MDGA2: variants seen among roughly 807,000 people sequenced by gnomAD.
MDGA2 encodes the protein MAM domain-containing glycosylphosphatidylinositol anchor protein 2.
In MDGA2, 40 loss-of-function variants were observed where a neutral mutation model predicts 117.8. That is an observed-to-expected ratio of 0.34 (90% confidence interval 0.26 to 0.44). The LOEUF is 0.44. Ranked by LOEUF, MDGA2 falls within the 20% of genes least tolerant of loss-of-function variation. The pLI is 1.00. For synonymous variants in MDGA2, 452 were observed against 439.0 expected, an observed-to-expected ratio of 1.03 and a Z score of -0.37; for missense variants, 1,123 against 1,250.6, an observed-to-expected ratio of 0.90 and a Z score of 1.54.
intron 3 of MDGA2, 43 bp downstream of exon 3, chr14:47,217,978 T>A: frequency 1.4e-6 from 2 of 1,400,370 alleles, no homozygotes; most frequent in Non-Finnish European, 1.9e-6. Flanking sequence ...ACAAAAGAAA[T>A]CCATAATAGG....
At chr14:47,598,435 C>T (rs540527096) in intron 1 of MDGA2, among the ~76,000 whole-genome samples, 40 of 152,170 alleles carry the variant, frequency 2.6e-4, no homozygotes, top group Non-Finnish European at 5.1e-4. Context: ...AGTATCCATC[C>T]ACAGATAAAT....
chr14:47,609,440 T>TAC, intron 1 of MDGA2, among the ~76,000 whole-genome samples: 2 of 88,198 alleles, frequency 2.3e-5, no homozygotes, highest in Non-Finnish European at 4.5e-5. Flanking sequence ...TATATATATA[T>TAC]ATATATATAT....
At chr14:46,931,761 G>C (rs1362698207) in intron 9 of MDGA2, among the ~76,000 whole-genome samples, 1 of 152,052 alleles carries the variant, frequency 6.6e-6, no homozygotes, top group East Asian at 1.9e-4. Flanking sequence ...GACCTCAGGT[G>C]ATCCACCAGC....
intron 8 of MDGA2, among the ~76,000 whole-genome samples, chr14:46,981,115 G>T (rs1381636181): frequency 2.0e-5 from 3 of 151,838 alleles, no homozygotes; most frequent in African/African-American, 7.3e-5. Context: ...GACTTTTTAA[G>T]AGTCTGGGCC....
chr14:47,226,004 C>T (rs1462516929), intron 2 of MDGA2, among the ~76,000 whole-genome samples: 4 of 151,590 alleles, frequency 2.6e-5, no homozygotes, highest in Non-Finnish European at 5.9e-5. Context: ...AAAAAGGGAG[C>T]CTGGCCGGGA....
At chr14:47,089,167 T>G (rs1891017323) in intron 6 of MDGA2, among the ~76,000 whole-genome samples, 1 of 152,082 alleles carries the variant, frequency 6.6e-6, no homozygotes, top group Non-Finnish European at 1.5e-5. Context: ...AATGCAAGAA[T>G]AGAGGAAATA....
chr14:46,863,387 T>C (rs1881591909), intron 14 of MDGA2, among the ~76,000 whole-genome samples: 1 of 152,160 alleles, frequency 6.6e-6, no homozygotes, highest in African/African-American at 2.4e-5. Context: ...TTTTATCATA[T>C]TTGTCATTTA....
chr14:47,024,860 A>G (rs1888417037), intron 8 of MDGA2, among the ~76,000 whole-genome samples: 1 of 152,052 alleles, frequency 6.6e-6, no homozygotes, highest in African/African-American at 2.4e-5. Flanking sequence ...GCTTATTATA[A>G]TATTTAAGGC....
intron 9 of MDGA2, among the ~76,000 whole-genome samples, chr14:46,931,960 C>T (rs1025067014): frequency 5.3e-5 from 8 of 151,240 alleles, no homozygotes; most frequent in East Asian, 2.0e-4. Flanking sequence ...TCAAAAATAT[C>T]GATGGAATAA....
chr14:47,099,359 C>T (rs1227784862), intron 5 of MDGA2, among the ~76,000 whole-genome samples: 4 of 151,780 alleles, frequency 2.6e-5, no homozygotes, highest in Non-Finnish European at 1.5e-5. Context: ...CAGTGTAAAT[C>T]ATGTCGTTGA....
At chr14:47,668,458 C>T (rs1898015721) in intron 1 of MDGA2, among the ~76,000 whole-genome samples, 1 of 152,086 alleles carries the variant, frequency 6.6e-6, no homozygotes, top group Non-Finnish European at 1.5e-5. Flanking sequence ...AATCACTGTG[C>T]CTTGAGTTAG....
At chr14:46,922,243 C>T (rs972761290) in intron 9 of MDGA2, among the ~76,000 whole-genome samples, 12 of 151,954 alleles carry the variant, frequency 7.9e-5, no homozygotes, top group African/African-American at 2.9e-4. Context: ...AATGTTCTAC[C>T]AATGACCTTT....
At chr14:47,009,036 A>T (rs1462249895) in intron 8 of MDGA2, among the ~76,000 whole-genome samples, 5 of 151,986 alleles carry the variant, frequency 3.3e-5, no homozygotes, top group Non-Finnish European at 7.4e-5. Context: ...AATAATGTGT[A>T]TTTGTTCCTA....
chr14:47,493,775 A>G (rs1241341522), intron 1 of MDGA2, among the ~76,000 whole-genome samples: 2 of 152,212 alleles, frequency 1.3e-5, no homozygotes, highest in Admixed American at 6.5e-5. Flanking sequence ...TGTCATTACC[A>G]ATGCATATAA....
intron 1 of MDGA2, among the ~76,000 whole-genome samples, chr14:47,596,733 A>G (rs529139960): frequency 6.6e-6 from 1 of 152,336 alleles, no homozygotes; most frequent in East Asian, 1.9e-4. Context: ...TCTCCCAGGC[A>G]TTCTGCTAAG....
intron 5 of MDGA2, among the ~76,000 whole-genome samples, chr14:47,127,098 G>A (rs773129925): frequency 3.3e-5 from 5 of 152,062 alleles, no homozygotes; most frequent in Admixed American, 1.3e-4. Context: ...GAAGATTAAC[G>A]AAACATATTA....
rs1432549259 is a variant in MDGA2, at chr14:47,675,309, GAGAGGAGGAAGAGGAGGAGGAGGA to G, written c.-537_-514del. On this transcript the variant is annotated 5_prime_UTR_variant, in exon 1 of 17. Coordinates refer to ENST00000399232, the MANE Select transcript of MDGA2 (RefSeq NM_001113498.3). The stretch of plus-strand genomic sequence containing the variant: ...ATACAGACTCGCATCGCCGAACGGG[GAGAGGAGGAAGAGGAGGAGGAGGA>G]AGAGGAGGAGGAGGAAGAGGAGGAG... Among the ~76,000 whole-genome samples the G allele has an allele frequency of 4.3e-5, 6 of 138,082 alleles. No homozygotes were observed. The highest frequency in any genetic ancestry group is 8.1e-5 in the African/African-American group (3 of 37,234). 90.6% of individuals were successfully genotyped at this position (138,082 alleles called of 152,430 possible).
At chr14:47,200,482 T>C (rs1230672363) in intron 3 of MDGA2, 2 of 528,986 alleles carry the variant, frequency 3.8e-6, no homozygotes, top group Non-Finnish European at 6.4e-6. Flanking sequence ...ATTACTCATA[T>C]ATGCAACCAC....
intron 8 of MDGA2, among the ~76,000 whole-genome samples, chr14:46,979,885 G>C (rs1466092134): frequency 6.6e-6 from 1 of 152,168 alleles, no homozygotes; most frequent in Non-Finnish European, 1.5e-5. Flanking sequence ...TATTGATAAA[G>C]GTGGCTACAC....
Sources: gnomAD v4.1 joint callset for allele counts (sites outside exome capture counted in the v4.1 genomes callset) on GRCh38, gnomAD v4.1.1 for gene constraint, MANE v1.5 for transcripts, NCBI Gene and HGNC (gene_info 2026-07-23, HGNC 2026-07-21) for gene names.